Variants in AGXT observed in about 807,000 individuals in gnomAD.
AGXT encodes the protein alanine--glyoxylate aminotransferase.
In AGXT, 41 loss-of-function variants were observed where a neutral mutation model predicts 46.9. The observed-to-expected ratio is 0.88, with a 90% CI of 0.68 to 1.14. AGXT has a LOEUF of 1.14. Among genes scored for constraint, AGXT ranks in the 50% most tolerant of loss-of-function variants. The probability of loss-of-function intolerance (pLI) is 0.00; values close to 1 mark genes in which losing one functional copy is unlikely to be tolerated. For missense variants in AGXT, 525 were observed against 522.7 expected (o/e 1.00, Z -0.04); for synonymous variants, 244 against 227.9 (o/e 1.07, Z -0.64).
chr2:240,875,160 C>G lies in AGXT; in HGVS notation c.732C>G (p.Ile244Met), dbSNP rs147106773. 3 of 1,614,066 alleles carry G rather than the reference C, an allele frequency of 1.9e-6. No individual in the cohort carries two copies. Among genetic ancestry groups the G allele is most frequent in the Non-Finnish European group, 2.5e-6 (3 of 1,179,928 alleles). Reference sequence around the variant, plus strand: ...AGCCCTTCTCCTTCTACCTGGACATCAAGTGGCTGGCCAACTTCTGGGGCT... The same window carrying G: ...AGCCCTTCTCCTTCTACCTGGACATGAAGTGGCTGGCCAACTTCTGGGGCT... ...KTKPFSFYLD[I>M]KWLANFWGCD... The change falls in exon 7 of 11, where the codon ATC becomes ATG. Residue 244 changes from isoleucine to methionine, a missense_variant. Physicochemically the swap from Ile to Met is conservative, Grantham distance 10. Coordinates refer to ENST00000307503, the MANE Select transcript of AGXT (RefSeq NM_000030.3).
Position 240,868,977 on chromosome 2 carries a change from A to T in AGXT, c.112A>T (p.Met38Leu). The change falls in exon 1 of 11, where the codon ATG becomes TTG. Residue 38 changes from methionine to leucine, a missense_variant. Transcript: ENST00000307503. ...PGPSNLPPRI[M>L]AAGGLQMIGS... Reference sequence around the variant, plus strand: ...TCCTTCCAACCTGCCTCCTCGCATCATGGCAGCCGGGGGGCTGCAGATGAT... The same window carrying T: ...TCCTTCCAACCTGCCTCCTCGCATCTTGGCAGCCGGGGGGCTGCAGATGAT... The T allele has an allele frequency of 6.4e-7, 1 of 1,562,192 alleles. No individual in the cohort carries two copies.
intron 4 of AGXT, among the ~76,000 whole-genome samples, chr2:240,871,987 C>G (rs1482094725): frequency 6.6e-6 from 1 of 152,268 alleles, no homozygotes; most frequent in African/African-American, 2.4e-5. Context: ...GACAGGGCCC[C>G]CAGCCCAGAC....
At chr2:240,876,836 G>A (rs5013751) in intron 8 of AGXT, 25,633 of 168,232 alleles carry the variant, frequency 0.15, 2,393 homozygotes, top group Non-Finnish European at 0.2. Flanking sequence ...AAGGTGGGTG[G>A]GGGGTGTGAG....
intron 4 of AGXT, among the ~76,000 whole-genome samples, chr2:240,872,003 G>T (rs2058993373): frequency 6.6e-6 from 1 of 152,272 alleles, no homozygotes; most frequent in Non-Finnish European, 1.5e-5. Context: ...CAGACAGCTT[G>T]CTGCATGGAC....
intron 2 of AGXT, among the ~76,000 whole-genome samples, chr2:240,870,006 G>A (rs893190749): frequency 2.0e-5 from 3 of 152,166 alleles, no homozygotes; most frequent in Non-Finnish European, 1.5e-5. Context: ...GGGGACCCAG[G>A]GTCGGCAGAG....
intron 6 of AGXT, 115 bp downstream of exon 6, chr2:240,874,177 C>T (rs1212511638): frequency 8.8e-6 from 9 of 1,028,258 alleles, no homozygotes; most frequent in Middle Eastern, 2.1e-4. Context: ...GCTCCTCCAG[C>T]ACCTGGCGCT....
At position 240,873,882 on chromosome 2, in the gene AGXT, C is replaced by T. The variant is rs1382389483; in HGVS notation, c.596-96C>T. ...ATCGTGTACGGATTCGTGGTAGGGT[C>T]GTAGCCTACCAGCCCATTAGCTAGG... is the stretch of plus-strand genomic sequence containing the variant. On this transcript the variant is annotated intron_variant, in intron 5 of 10. Transcript: ENST00000307503. 30 of 1,096,070 alleles carry T rather than the reference C, an allele frequency of 2.7e-5. No homozygotes were observed. In the South Asian group the frequency reaches 3.1e-4, roughly 11 times the overall value. 67.9% of individuals were successfully genotyped at this position (1,096,070 alleles called of 1,614,324 possible).
Position 240,877,523 on chromosome 2 carries a change from C to CA in AGXT, c.847-13dup, listed in dbSNP as rs1303860574. Reference sequence around the variant, plus strand: ...CACCCATGTCACTGCCCACCAGCGCCATCTCCCACACAGGGCCTGGAGAAC... The same window carrying CA: ...CACCCATGTCACTGCCCACCAGCGCCAATCTCCCACACAGGGCCTGGAGAAC... On this transcript the variant is annotated splice_polypyrimidine_tract_variant and intron_variant, in intron 8 of 10. Transcript: ENST00000307503. 1 of 1,542,298 alleles carries CA rather than the reference C, an allele frequency of 6.5e-7. No individual in the cohort carries two copies. Among genetic ancestry groups the CA allele is most frequent in the East Asian group, 2.5e-5 (1 of 40,770 alleles).
intron 3 of AGXT, 161 bp from the exon 4 acceptor site, chr2:240,871,188 C>T (rs1290081580): frequency 2.5e-5 from 17 of 676,552 alleles, no homozygotes; most frequent in African/African-American, 1.6e-4. Flanking sequence ...TGTCCCGGAG[C>T]GGAGATGCCC....
At chr2:240,874,175 A>G (rs574633515) in intron 6 of AGXT, 113 bp downstream of exon 6, 155 of 1,046,162 alleles carry the variant, frequency 1.5e-4, no homozygotes, top group Non-Finnish European at 2.0e-4. Flanking sequence ...ATGCTCCTCC[A>G]GCACCTGGCG....
Position 240,868,890 on chromosome 2 carries a change from A to T in AGXT, c.25A>T (p.Thr9Ser). ...CATGGCCTCTCACAAGCTGCTGGTG[A>T]CCCCCCCCAAGGCCCTGCTCAAGCC... MASHKLLV[T>S]PPKALLKPLS... Residue 9 changes from threonine to serine, a missense_variant, in exon 1 of 11, where the codon ACC becomes TCC. Coordinates refer to ENST00000307503, the MANE Select transcript of AGXT (RefSeq NM_000030.3). 3 of 1,610,608 alleles carry T rather than the reference A, an allele frequency of 1.9e-6. No homozygotes were observed. Among genetic ancestry groups the T allele is most frequent in the Non-Finnish European group, 1.7e-6 (2 of 1,178,996 alleles).
rs2106433069 is a variant in AGXT, at chr2:240,880,280, C to G, written c.*1459C>G. ...AGGGTGCTCCACGTCCTCACCCACA[C>G]TCCATGTTGTCTTTTTTTGCTAGGG... On this transcript the variant is annotated 3_prime_UTR_variant, in exon 11 of 11. Transcript: ENST00000307503. 6.6e-6 allele frequency: 1 copy of G among 152,322 alleles called. No homozygotes were observed. The highest frequency in any genetic ancestry group is 6.5e-5 in the Admixed American group (1 of 15,298). The allele number at this position is 152,322 out of a possible 1,614,324, so 9.4% of individuals were successfully genotyped here. A position where few individuals can be genotyped will look rare whatever the true frequency, so the allele number is the denominator to read the frequency against.
chr2:240,869,050 G>A lies in AGXT; in HGVS notation c.165+20G>A, dbSNP rs755920918. Reference sequence around the variant, plus strand: ...TACCAGGTAGGAGTGGGGGTCACTCGGGGGGCCTGGGTCTCACCCATGTTC... The same window carrying A: ...TACCAGGTAGGAGTGGGGGTCACTCAGGGGGCCTGGGTCTCACCCATGTTC... On this transcript the variant is annotated intron_variant, in intron 1 of 10. Transcript: ENST00000307503. 57 of 1,610,628 alleles carry A rather than the reference G, an allele frequency of 3.5e-5. No individual in the cohort carries two copies. Among genetic ancestry groups the A allele is most frequent in the Non-Finnish European group, 4.3e-5 (51 of 1,178,998 alleles).
At position 240,873,030 on chromosome 2, in the gene AGXT, C is replaced by A. The variant is rs1237384369; in HGVS notation, c.576C>A (p.Pro192=). Residue 192 remains proline, a synonymous_variant, in exon 5 of 11, where the codon CCC becomes CCA. Coordinates refer to ENST00000307503, the MANE Select transcript of AGXT (RefSeq NM_000030.3). ...CGGTGGCATCCCTGGGCGGGACCCC[C>A]CTTTACATGGACCGGCAAGGTAAGG... The part of the protein sequence containing the change: ...VDSVASLGGT[P]LYMDRQGIDI... 2 of 1,613,920 alleles carry A rather than the reference C, an allele frequency of 1.2e-6. No homozygotes were observed. The highest frequency in any genetic ancestry group is 1.7e-4 in the Middle Eastern group (1 of 6,058).
intron 2 of AGXT, 51 bp downstream of exon 2, chr2:240,869,413 TCCCTGGCCTC>T: frequency 3.2e-6 from 2 of 627,424 alleles, no homozygotes; most frequent in South Asian, 5.4e-5. Flanking sequence ...CTTCAAGGCC[TCCCTGGCCTC>T]CCTCTGTTTG....
At chr2:240,873,096 GC>G in intron 5 of AGXT, 47 bp downstream of exon 5, 1 of 1,525,302 alleles carries the variant, frequency 6.6e-7, no homozygotes, top group Non-Finnish European at 9.1e-7. Flanking sequence ...CAGCCTTGGG[GC>G]TCCGCGTGCA....
At position 240,874,951 on chromosome 2, in the gene AGXT, C is replaced by T. The variant is rs893282650; in HGVS notation, c.681-158C>T. On this transcript the variant is annotated intron_variant, in intron 6 of 10. Coordinates refer to ENST00000307503, the MANE Select transcript of AGXT (RefSeq NM_000030.3). ...ACAGCTGAGGGACCCACGACCCACC[C>T]GGTCCCACTCTGGCCCCTGAGCACA... is the stretch of plus-strand genomic sequence containing the variant. 5.3e-5 allele frequency among the ~76,000 whole-genome samples: 8 copies of T among 152,298 alleles called. No homozygotes were observed. In the East Asian group the frequency reaches 1.2e-3, roughly 22 times the overall value.
At chr2:240,873,509 A>G in intron 5 of AGXT, 1 of 253,644 alleles carries the variant, frequency 3.9e-6, no homozygotes, top group Non-Finnish European at 7.6e-6. Context: ...CGAGGGGCCA[A>G]GGAGCCTCCT....
intron 7 of AGXT, 54 bp from the exon 8 acceptor site, chr2:240,875,881 A>T: frequency 6.4e-7 from 1 of 1,570,728 alleles, no homozygotes; most frequent in Non-Finnish European, 8.8e-7. Context: ...CTAATGCCCC[A>T]TCTGCCCCCA....
Sources: gnomAD v4.1 joint callset for allele counts (sites outside exome capture counted in the v4.1 genomes callset) on GRCh38, gnomAD v4.1.1 for gene constraint, MANE v1.5 for transcripts, NCBI Gene and HGNC (gene_info 2026-07-23, HGNC 2026-07-21) for gene names.